Variants in ADGRB1 observed in about 807,000 individuals in gnomAD.
ADGRB1 encodes the protein brain-specific angiogenesis inhibitor 1.
A neutral mutation model predicts 175.7 loss-of-function variants in ADGRB1; 36 were observed. The observed-to-expected ratio is 0.20, with a 90% CI of 0.16 to 0.27. The LOEUF is 0.27. Among genes scored for constraint, ADGRB1 ranks in the 10% least tolerant of loss-of-function variants. The pLI is 1.00. For synonymous variants in ADGRB1, 1,054 were observed against 979.4 expected (o/e 1.08, Z -1.42); for missense variants, 1,731 against 2,255.3 (o/e 0.77, Z 4.71).
intron 24 of ADGRB1, among the ~76,000 whole-genome samples, chr8:142,528,421 G>A (rs1454942060): frequency 6.6e-6 from 1 of 152,294 alleles, no homozygotes; most frequent in African/African-American, 2.4e-5. Context: ...CCCCAGGACC[G>A]TCCCTGTTGG....
Position 142,542,500 on chromosome 8 carries a change from C to G in ADGRB1, c.4266C>G (p.Pro1422=). ...PPPPPPPPPP[P]QQPLPPPPNL... Reference sequence around the variant, plus strand: ...CTCCGCCCCCACCGCCACCACCTCCCCAGCAGCCCCTGCCCCCACCGCCCA... The same window carrying G: ...CTCCGCCCCCACCGCCACCACCTCCGCAGCAGCCCCTGCCCCCACCGCCCA... The change falls in exon 28 of 31, where the codon CCC becomes CCG. Residue 1422 remains proline (P), a synonymous_variant. Transcript: ENST00000517894. The surrounding 1 kb of genome is among the most constrained non-coding windows in gnomAD (Gnocchi z 6.3). 1 of 1,393,210 alleles carries G rather than the reference C, an allele frequency of 7.2e-7. No individual in the cohort carries two copies. 86.3% of individuals were successfully genotyped at this position (1,393,210 alleles called of 1,614,324 possible).
chr8:142,464,080 T>TCCCCCCCCCCCA lies in ADGRB1; in HGVS notation c.-119_-118insCCCCCCCCCCCA. 2 of 617,026 alleles carry TCCCCCCCCCCCA rather than the reference T, an allele frequency of 3.2e-6. No individual in the cohort carries two copies. The highest frequency in any genetic ancestry group is 4.4e-6 in the Non-Finnish European group (2 of 457,920). The allele number at this position is 617,026 out of a possible 1,614,324, so 38.2% of individuals were successfully genotyped here. A position where few individuals can be genotyped will look rare whatever the true frequency, so the allele number is the denominator to read the frequency against. On this transcript the variant is annotated 5_prime_UTR_variant, in exon 2 of 31. Coordinates refer to ENST00000517894, the MANE Select transcript of ADGRB1 (RefSeq NM_001702.3). Reference sequence around the variant, plus strand: ...GCGGGGCCCTCTCCCATCCCACCCTTGCCCCGCCTCCCTGCCCCCACCGGG... The same window carrying TCCCCCCCCCCCA: ...GCGGGGCCCTCTCCCATCCCACCCTTCCCCCCCCCCCAGCCCCGCCTCCCTGCCCCCACCGGG...
intron 17 of ADGRB1, among the ~76,000 whole-genome samples, chr8:142,496,429 T>C (rs927162165): frequency 1.3e-5 from 2 of 151,984 alleles, no homozygotes; most frequent in Admixed American, 6.6e-5. Flanking sequence ...GGTGGGTGGC[T>C]GGATACATGA....
intron 17 of ADGRB1, among the ~76,000 whole-genome samples, chr8:142,498,284 A>G (rs1842321401): frequency 6.6e-6 from 1 of 152,186 alleles, no homozygotes; most frequent in Non-Finnish European, 1.5e-5. Flanking sequence ...GATCTCTGCC[A>G]TGGCTCCAGG....
chr8:142,543,733 G>A lies in ADGRB1; in HGVS notation c.4557+25G>A, dbSNP rs1426479147. ...GGTCTGGAGGGCAGGGAGGGGCGGG[G>A]TGGGGAGAGCCCTTAGGTCAGGCCA... On this transcript the variant is annotated intron_variant, in intron 30 of 30. Transcript: ENST00000517894. The surrounding 1 kb of genome is among the most constrained non-coding windows in gnomAD (Gnocchi z 4.4). 9 of 1,456,050 alleles carry A rather than the reference G, an allele frequency of 6.2e-6. No homozygotes were observed. Among genetic ancestry groups the A allele is most frequent in the South Asian group, 1.2e-5 (1 of 82,268 alleles). The allele number at this position is 1,456,050 out of a possible 1,614,324, so 90.2% of individuals were successfully genotyped here.
chr8:142,522,798 C>T lies in ADGRB1; in HGVS notation c.3245+88C>T, dbSNP rs567463199. The T allele has an allele frequency of 1.4e-4, 189 of 1,312,472 alleles. 3 individuals are homozygous for T. The African/African-American group carries it at 2.7e-3, about 19-fold the overall frequency. The allele number at this position is 1,312,472 out of a possible 1,614,324, so 81.3% of individuals were successfully genotyped here. On this transcript the variant is annotated intron_variant, in intron 22 of 30. Coordinates refer to ENST00000517894, the MANE Select transcript of ADGRB1 (RefSeq NM_001702.3). ...CTGGAGGGTGAGGGCTGGCCATGCC[C>T]TCCCCCCGTGTGACCCTGATCATCT...
intron 21 of ADGRB1, among the ~76,000 whole-genome samples, chr8:142,522,336 C>T (rs1008018039): frequency 1.3e-5 from 2 of 152,196 alleles, no homozygotes; most frequent in African/African-American, 4.8e-5. Context: ...GAAAACGTTT[C>T]TAGCACAAGT....
Position 142,510,916 on chromosome 8 carries a change from T to TA in ADGRB1, c.2676-16_2676-15insA. ...ACGCTCCGCCTGTCTCCCTCCCGTG[T>TA]CCCGCCCGCCCCCAGACCCTCCTCC... On this transcript the variant is annotated splice_polypyrimidine_tract_variant and intron_variant, in intron 17 of 30. Coordinates refer to ENST00000517894, the MANE Select transcript of ADGRB1 (RefSeq NM_001702.3). This position sits in a 1 kb window ranked among gnomAD's most constrained non-coding sequence, Gnocchi z 6.3. The TA allele has an allele frequency of 3.8e-5, 37 of 969,560 alleles. No individual in the cohort carries two copies. Among genetic ancestry groups the TA allele is most frequent in the Non-Finnish European group, 4.6e-5 (36 of 789,138 alleles). 60.1% of individuals were successfully genotyped at this position (969,560 alleles called of 1,614,324 possible).
At chr8:142,526,346 TGCACAGTTGGCA>T (rs1844187087) in intron 23 of ADGRB1, among the ~76,000 whole-genome samples, 184 bp from the exon 24 acceptor site, 1 of 152,126 alleles carries the variant, frequency 6.6e-6, no homozygotes, top group African/African-American at 2.4e-5. Flanking sequence ...GAGAGGGCCC[TGCACAGTTGGCA>T]GCTGGGCTGG....
chr8:142,530,936 A>C (rs1844589479), intron 24 of ADGRB1, among the ~76,000 whole-genome samples: 2 of 152,186 alleles, frequency 1.3e-5, no homozygotes, highest in South Asian at 4.1e-4. Context: ...AATGTTTCCC[A>C]GCCGCAGAGG....
At chr8:142,482,075 C>CCCTGGTCACATGCTGAGCCCT (rs1841374315) in intron 11 of ADGRB1, among the ~76,000 whole-genome samples, 1 of 41,200 alleles carries the variant, frequency 2.4e-5, no homozygotes, top group Non-Finnish European at 7.6e-5. Flanking sequence ...TGCTGAGCCC[C>CCCTGGTCACATGCTGAGCCCT]AACCCTGGTC....
intron 1 of ADGRB1, among the ~76,000 whole-genome samples, chr8:142,457,605 C>T (rs944043157): frequency 2.6e-5 from 4 of 152,192 alleles, no homozygotes; most frequent in Admixed American, 2.6e-4. Context: ...GGGCCTGCCT[C>T]TGCTGTGGGT....
chr8:142,484,961 A>T (rs1563701549), intron 13 of ADGRB1, among the ~76,000 whole-genome samples, 197 bp downstream of exon 13: 2 of 152,210 alleles, frequency 1.3e-5, no homozygotes, highest in Non-Finnish European at 2.9e-5. Flanking sequence ...GGGATGAGAC[A>T]CAGCCCACGG....
chr8:142,516,747 G>A (rs1843472115), intron 18 of ADGRB1, among the ~76,000 whole-genome samples: 3 of 151,996 alleles, frequency 2.0e-5, no homozygotes, highest in Admixed American at 2.0e-4. Flanking sequence ...TGGGTCCCAG[G>A]TGCGTGTGTC....
intron 17 of ADGRB1, among the ~76,000 whole-genome samples, chr8:142,508,618 A>C (rs1025709307): frequency 2.6e-5 from 4 of 152,322 alleles, no homozygotes; most frequent in Admixed American, 2.6e-4. Flanking sequence ...CGGACGCAGA[A>C]CAGCCTGGGT....
Position 142,479,473 on chromosome 8 carries a change from C to G in ADGRB1, c.1712C>G (p.Thr571Ser), listed in dbSNP as rs1052004985. 1.3e-6 allele frequency: 2 copies of G among 1,552,156 alleles called. No individual in the cohort carries two copies. The highest frequency in any genetic ancestry group is 2.2e-5 in the Admixed American group (1 of 45,908). ...CAGGATGAGTACCGGCAGTGCGGCA[C>G]CCAGCGGTGTCCCGGTGAGGCCCCT... ...GPQDEYRQCG[T>S]QRCPEPHEIC... Residue 571 changes from threonine to serine, a missense_variant, in exon 8 of 31, where the codon ACC becomes AGC. Physicochemically the swap from Thr to Ser is moderately conservative, Grantham distance 58. Around this residue, in one of 8 missense-constraint regions of ADGRB1, gnomAD observed 388 missense variants for 630.9 expected, o/e 0.61. Transcript: ENST00000517894.
At position 142,543,647 on chromosome 8, in the gene ADGRB1, TGAA is replaced by T; in HGVS notation, c.4497_4499del (p.Asn1500del). The T allele has an allele frequency of 6.4e-7, 1 of 1,567,694 alleles. No homozygotes were observed. The highest frequency in any genetic ancestry group is 8.6e-7 in the Non-Finnish European group (1 of 1,157,572). On this transcript the variant is annotated inframe_deletion, in exon 30 of 31. Coordinates refer to ENST00000517894, the MANE Select transcript of ADGRB1 (RefSeq NM_001702.3). This position sits in a 1 kb window ranked among gnomAD's most constrained non-coding sequence, Gnocchi z 4.4. ...CGGCACCAAGACATGTTCCAGGACC[TGAA>T]CCGGAAGCTGCAGCACGCAGCGGAG...
chr8:142,499,526 G>A (rs975130214), intron 17 of ADGRB1, among the ~76,000 whole-genome samples: 4 of 152,222 alleles, frequency 2.6e-5, no homozygotes, highest in African/African-American at 7.2e-5. Flanking sequence ...AGCATGCACC[G>A]GCTATGAAGA....
intron 18 of ADGRB1, among the ~76,000 whole-genome samples, chr8:142,513,392 C>T (rs916191053): frequency 6.6e-6 from 1 of 152,202 alleles, no homozygotes; most frequent in Non-Finnish European, 1.5e-5. Flanking sequence ...GGCACCAGAG[C>T]CCCTTGGGGC....
Sources: gnomAD v4.1 joint callset for allele counts (sites outside exome capture counted in the v4.1 genomes callset) on GRCh38, gnomAD v4.1.1 for gene constraint, gnomAD v4.1.1 regional missense constraint, Gnocchi (gnomAD v3.1) non-coding constraint, MANE v1.5 for transcripts, NCBI Gene and HGNC (gene_info 2026-07-23, HGNC 2026-07-21) for gene names.